The following RNF213 variants were observed in gnomAD, a reference collection of about 807,000 sequenced individuals.
The protein encoded by RNF213 is ring finger protein 213, also known as E3 ubiquitin-protein ligase RNF213.
In RNF213, 341 loss-of-function variants were observed where a neutral mutation model predicts 514.4. The observed-to-expected ratio is 0.66, with a 90% CI of 0.61 to 0.73. RNF213 has a LOEUF of 0.73. Among genes scored for constraint, RNF213 ranks in the 30% least tolerant of loss-of-function variants. The probability of loss-of-function intolerance (pLI) is 0.00; values close to 1 mark genes in which losing one functional copy is unlikely to be tolerated. For synonymous variants in RNF213, 2,655 were observed against 2,658.2 expected (o/e 1.00, Z 0.04); for missense variants, 5,767 against 6,615.6 (o/e 0.87, Z 4.45).
Position 80,309,162 on chromosome 17 carries a change from A to C in RNF213, c.2646A>C (p.Leu882=), listed in dbSNP as rs2045477972. The C allele has an allele frequency of 1.9e-6, 3 of 1,614,202 alleles. No homozygotes were observed. The highest frequency in any genetic ancestry group is 1.1e-5 in the South Asian group (1 of 91,086). The part of the protein sequence containing the change: ...AEIVCRMIRL[L]SLVDSAGQRD... ...TTGTCTGCAGAATGATTAGACTTCT[A>C]TCTCTGGTGGTAAGTGGAGTCAACA... Residue 882 remains leucine (L), a synonymous_variant, in exon 14 of 68, where the codon CTA becomes CTC. Coordinates refer to ENST00000582970, the MANE Select transcript of RNF213 (RefSeq NM_001256071.3).
chr17:80,323,545 C>G (rs1242394534), intron 17 of RNF213, among the ~76,000 whole-genome samples: 1 of 151,540 alleles, frequency 6.6e-6, no homozygotes, highest in African/African-American at 2.4e-5. Flanking sequence ...TTTTTTTCCC[C>G]TGTTAGACAG....
chr17:80,383,124 C>T, intron 58 of RNF213, 54 bp downstream of exon 58: 2 of 1,284,904 alleles, frequency 1.6e-6, no homozygotes, highest in Non-Finnish European at 2.3e-6. Flanking sequence ...AAGGAAGGGT[C>T]CCGGCGTCTG....
chr17:80,388,431 G>A (rs75595842), intron 63 of RNF213, 181 bp from the exon 64 acceptor site: 33,030 of 634,428 alleles, frequency 0.052, 978 homozygotes, highest in Middle Eastern at 0.089. Context: ...CTGGATTCCC[G>A]GTTGTGTTAC....
intron 15 of RNF213, among the ~76,000 whole-genome samples, chr17:80,314,343 G>GTGA (rs1289510206): frequency 1.3e-4 from 1 of 7,834 alleles, no homozygotes; most frequent in African/African-American, 5.8e-4. Flanking sequence ...GGTGGTGGTG[G>GTGA]TGGTGGAGGT....
intron 17 of RNF213, among the ~76,000 whole-genome samples, chr17:80,324,049 G>A (rs377147411): frequency 9.2e-5 from 14 of 152,292 alleles, no homozygotes; most frequent in African/African-American, 2.9e-4. Flanking sequence ...TCTGTGAATA[G>A]AGTTTCACTT....
In RNF213 at chr17:80,343,293, C is replaced by A; in HGVS notation, c.6151C>A (p.Pro2051Thr). Reference protein sequence around the residue: ...PFLDAQYQKVPVLFHLDVTSS... With the variant: ...PFLDAQYQKVTVLFHLDVTSS... Reference sequence around the variant, plus strand: ...CCTGGATGCGCAGTATCAGAAGGTCCCCGTGCTCTTTCACCTGGACGTGAC... The same window carrying A: ...CCTGGATGCGCAGTATCAGAAGGTCACCGTGCTCTTTCACCTGGACGTGAC... Residue 2051 changes from proline (P) to threonine (T), a missense_variant, in exon 27 of 68, where the codon CCC (proline) becomes ACC (threonine). This residue lies in a region of RNF213 where 1,377 missense variants were observed against 1,635.2 expected (regional missense o/e 0.84). Coordinates refer to ENST00000582970, the MANE Select transcript of RNF213 (RefSeq NM_001256071.3). The surrounding 1 kb of genome is among the most constrained non-coding windows in gnomAD (Gnocchi z 4.3). The A allele has an allele frequency of 6.2e-7, 1 of 1,613,068 alleles. No individual in the cohort carries two copies. The highest frequency in any genetic ancestry group is 1.3e-5 in the African/African-American group (1 of 74,992).
At chr17:80,289,440 A>T (rs933451038) in intron 5 of RNF213, among the ~76,000 whole-genome samples, 1 of 152,036 alleles carries the variant, frequency 6.6e-6, no homozygotes, top group Non-Finnish European at 1.5e-5. Flanking sequence ...AAATACAAAA[A>T]TTAGCCAGCC....
chr17:80,291,125 T>C (rs1481833779), intron 7 of RNF213, among the ~76,000 whole-genome samples: 1 of 152,196 alleles, frequency 6.6e-6, no homozygotes, highest in African/African-American at 2.4e-5. Context: ...AAATAATTTT[T>C]ATCCAGTGAG....
chr17:80,317,315 A>G lies in RNF213; in HGVS notation c.2901+38A>G. The G allele has an allele frequency of 6.3e-7, 1 of 1,589,342 alleles. No individual in the cohort carries two copies. The highest frequency in any genetic ancestry group is 8.6e-7 in the Non-Finnish European group (1 of 1,164,546). ...TGGGGGCAGTCTTTTCAGGGCGTGA[A>G]GGCAAGCTGGAGAACCCCAGACCAT... On this transcript the variant is annotated intron_variant, in intron 16 of 67. Coordinates refer to ENST00000582970, the MANE Select transcript of RNF213 (RefSeq NM_001256071.3). The surrounding 1 kb of genome is among the most constrained non-coding windows in gnomAD (Gnocchi z 4.1).
At chr17:80,298,815 A>C (rs897455907) in intron 11 of RNF213, 15 of 307,548 alleles carry the variant, frequency 4.9e-5, no homozygotes, top group Non-Finnish European at 8.3e-5. Flanking sequence ...AAATACCAAA[A>C]AAAAAAAAAA....
At chr17:80,374,434 C>A in intron 49 of RNF213, 24 bp from the exon 50 acceptor site, 1 of 1,613,982 alleles carries the variant, frequency 6.2e-7, no homozygotes. Flanking sequence ...CATTGTTCAC[C>A]CCCAACTAAC....
intron 63 of RNF213, among the ~76,000 whole-genome samples, chr17:80,387,947 C>T (rs1284988338): frequency 6.9e-6 from 1 of 145,804 alleles, no homozygotes; most frequent in East Asian, 2.0e-4. Flanking sequence ...CTGTGAGAGC[C>T]CATGGATTTT....
intron 3 of RNF213, among the ~76,000 whole-genome samples, chr17:80,287,208 A>G (rs915710676): frequency 3.9e-5 from 6 of 152,046 alleles, no homozygotes; most frequent in African/African-American, 1.4e-4. Context: ...AGCATTTTTT[A>G]AAACCAGCTG....
At chr17:80,322,777 A>G (rs1159582879) in intron 17 of RNF213, among the ~76,000 whole-genome samples, 2 of 152,100 alleles carry the variant, frequency 1.3e-5, no homozygotes, top group African/African-American at 4.8e-5. Context: ...TTTATTCTAT[A>G]TACAAGTCAC....
In RNF213 at chr17:80,346,746, T is replaced by A; in HGVS notation, c.8411T>A (p.Leu2804Gln). The A allele has an allele frequency of 6.2e-7, 1 of 1,613,160 alleles. No homozygotes were observed. The highest frequency in any genetic ancestry group is 8.5e-7 in the Non-Finnish European group (1 of 1,179,932). ...TTCCGCAGCCTGAAGCAGGTCCACC[T>A]GGTGTCCTTCCAGTGCAGCCCGCAC... ...DLFRSLKQVH[L>Q]VSFQCSPHST... Residue 2804 changes from leucine to glutamine, a missense_variant, in exon 29 of 68, where the codon CTG becomes CAG. By Grantham distance (113) the Leu-to-Gln change is moderately radical. This residue lies in a region of RNF213 where 105 missense variants were observed against 183.9 expected (regional missense o/e 0.57). Coordinates refer to ENST00000582970, the MANE Select transcript of RNF213 (RefSeq NM_001256071.3). This position sits in a 1 kb window ranked among gnomAD's most constrained non-coding sequence, Gnocchi z 8.1.
chr17:80,373,319 C>T (rs1268202499), intron 49 of RNF213, among the ~76,000 whole-genome samples, 154 bp downstream of exon 49: 1 of 145,862 alleles, frequency 6.9e-6, no homozygotes, highest in Non-Finnish European at 1.5e-5. Context: ...CACACCTCAC[C>T]CTCACACCCC....
intron 46 of RNF213, among the ~76,000 whole-genome samples, chr17:80,370,518 C>T (rs996510398): frequency 1.3e-5 from 2 of 152,322 alleles, no homozygotes; most frequent in Non-Finnish European, 2.9e-5. Flanking sequence ...TGGCCCCTCA[C>T]GTGAAGACAC....
chr17:80,314,190 A>G (rs373243379), intron 15 of RNF213, among the ~76,000 whole-genome samples: 219 of 42,714 alleles, frequency 5.1e-3, no homozygotes, highest in Middle Eastern at 0.027. Context: ...GGTGGTGGTG[A>G]AGGTGATGGT....
At chr17:80,355,465 TGACCGGGA>T (rs2078728554) in intron 36 of RNF213, among the ~76,000 whole-genome samples, 25 of 39,822 alleles carry the variant, frequency 6.3e-4, no homozygotes, top group East Asian at 1.3e-3. Context: ...GGAAGAGGGG[TGACCGGGA>T]ATGGGGGCTC....
Sources: allele counts gnomAD v4.1 joint callset (sites outside exome capture counted in the v4.1 genomes callset), GRCh38; gene constraint gnomAD v4.1.1; regional missense constraint gnomAD v4.1.1; non-coding constraint Gnocchi (gnomAD v3.1); transcripts MANE v1.5; gene names NCBI Gene and HGNC (gene_info 2026-07-23, HGNC 2026-07-21).